Variants in KIAA1549L observed in about 807,000 individuals in gnomAD.
KIAA1549L encodes KIAA1549 like, also known as UPF0606 protein KIAA1549L.
KIAA1549L carries 88 observed loss-of-function variants against 160.7 expected under a neutral mutation model. That is an observed-to-expected ratio of 0.55 (90% confidence interval 0.46 to 0.65). KIAA1549L has a LOEUF of 0.65. KIAA1549L is among the 30% of genes least tolerant of loss of function. The probability of loss-of-function intolerance (pLI) is 0.00; values close to 1 mark genes in which losing one functional copy is unlikely to be tolerated. For synonymous variants in KIAA1549L, 950 were observed against 976.7 expected (o/e 0.97, Z 0.51); for missense variants, 2,258 against 2,437.5 (o/e 0.93, Z 1.55).
At chr11:33,565,813 T>G (rs1199071013) in intron 8 of KIAA1549L, among the ~76,000 whole-genome samples, 4 of 147,956 alleles carry the variant, frequency 2.7e-5, no homozygotes. Context: ...AGCCCGGGAG[T>G]TTGAGACCAG....
chr11:33,517,009 A>G (rs962689441), intron 1 of KIAA1549L, among the ~76,000 whole-genome samples: 11 of 152,184 alleles, frequency 7.2e-5, no homozygotes, highest in African/African-American at 2.4e-4. Flanking sequence ...CGCATCTTCA[A>G]TTCACGTTTC....
chr11:33,398,814 ATTCAAGTTCC>A (rs1207052405), intron 1 of KIAA1549L, among the ~76,000 whole-genome samples: 4 of 152,170 alleles, frequency 2.6e-5, no homozygotes, highest in Non-Finnish European at 4.4e-5. Flanking sequence ...GAATCTTAGG[ATTCAAGTTCC>A]TAGTTGACAT....
chr11:33,648,692 C>G (rs1220097743), intron 17 of KIAA1549L, among the ~76,000 whole-genome samples: 1 of 151,666 alleles, frequency 6.6e-6, no homozygotes, highest in African/African-American at 2.4e-5. Flanking sequence ...CCCGTTAACT[C>G]TGTGAAGAAA....
chr11:33,555,697 AC>A, intron 6 of KIAA1549L, among the ~76,000 whole-genome samples: 1 of 152,320 alleles, frequency 6.6e-6, no homozygotes, highest in African/African-American at 2.4e-5. Flanking sequence ...AATATCTAAA[AC>A]CGTAGGACTT....
chr11:33,453,093 G>C (rs1035701549), intron 1 of KIAA1549L, among the ~76,000 whole-genome samples: 2 of 152,240 alleles, frequency 1.3e-5, no homozygotes, highest in Non-Finnish European at 1.5e-5. Context: ...CATTCTCTGA[G>C]TGACTGACAT....
At chr11:33,626,176 T>C (rs1851108016) in intron 16 of KIAA1549L, among the ~76,000 whole-genome samples, 1 of 146,284 alleles carries the variant, frequency 6.8e-6, no homozygotes. Flanking sequence ...TGTAGTATAG[T>C]TTGAAGTCAG....
At chr11:33,411,946 CT>C (rs2134088402) in intron 1 of KIAA1549L, among the ~76,000 whole-genome samples, 1 of 152,336 alleles carries the variant, frequency 6.6e-6, no homozygotes, top group South Asian at 2.1e-4. Context: ...TTCAGCAGTG[CT>C]TTCCATTCTA....
Position 33,514,418 on chromosome 11 carries a change from C to T in KIAA1549L, c.239-27384C>T, listed in dbSNP as rs997537736. Among the ~76,000 whole-genome samples the T allele has an allele frequency of 3.9e-5, 6 of 152,224 alleles. No homozygotes were observed. In the East Asian group the frequency reaches 7.7e-4, roughly 20 times the overall value. On this transcript the variant is annotated intron_variant, in intron 1 of 20. Coordinates refer to ENST00000658780, the MANE Select transcript of KIAA1549L (RefSeq NM_012194.3). ...GTCTACACTGACTCATGCTTGGTGA[C>T]ATCTCCACAGGGTTTTCCATCAACA...
At chr11:33,392,994 A>G (rs1850300300) in intron 1 of KIAA1549L, among the ~76,000 whole-genome samples, 2 of 152,096 alleles carry the variant, frequency 1.3e-5, no homozygotes, top group Admixed American at 1.3e-4. Flanking sequence ...CCCTGTCTCT[A>G]GTCTTGTCCC....
At chr11:33,486,581 T>A (rs909860332) in intron 1 of KIAA1549L, among the ~76,000 whole-genome samples, 2 of 152,246 alleles carry the variant, frequency 1.3e-5, no homozygotes, top group African/African-American at 4.8e-5. Flanking sequence ...GTAATAAAGA[T>A]ATTATACTCA....
chr11:33,629,194 G>A (rs919237960), intron 16 of KIAA1549L, among the ~76,000 whole-genome samples: 27 of 152,220 alleles, frequency 1.8e-4, no homozygotes, highest in East Asian at 5.8e-4. Context: ...AGGGTAACCC[G>A]ACCTTTCTCT....
At chr11:33,614,549 T>TCC (rs1850736592) in intron 15 of KIAA1549L, among the ~76,000 whole-genome samples, 8 of 11,326 alleles carry the variant, frequency 7.1e-4, no homozygotes, top group African/African-American at 1.6e-3. Context: ...TATATATATA[T>TCC]ATATATATAT....
intron 1 of KIAA1549L, among the ~76,000 whole-genome samples, chr11:33,390,920 C>T (rs551800214): frequency 1.3e-5 from 2 of 152,186 alleles, no homozygotes; most frequent in African/African-American, 2.4e-5. Flanking sequence ...CCCTGGCACA[C>T]CAATGCTCCT....
chr11:33,641,414 TATATA>T (rs1373105242), intron 16 of KIAA1549L, among the ~76,000 whole-genome samples: 11 of 151,864 alleles, frequency 7.2e-5, no homozygotes, highest in South Asian at 2.1e-4. Context: ...CTGTGGCACA[TATATA>T]ATATAAATGC....
chr11:33,550,912 A>G, intron 4 of KIAA1549L, 128 bp from the exon 5 acceptor site: 1 of 771,386 alleles, frequency 1.3e-6, no homozygotes, highest in Non-Finnish European at 2.2e-6. Context: ...TGTTAAGAAT[A>G]TTTGTTGAAC....
chr11:33,630,758 G>A (rs1039712919), intron 16 of KIAA1549L, among the ~76,000 whole-genome samples: 1 of 152,180 alleles, frequency 6.6e-6, no homozygotes, highest in African/African-American at 2.4e-5. Flanking sequence ...GCTCACGCTG[G>A]GAGCTGTAGA....
chr11:33,408,916 C>T (rs1176168575), intron 1 of KIAA1549L, among the ~76,000 whole-genome samples: 1 of 142,018 alleles, frequency 7.0e-6, no homozygotes, highest in East Asian at 2.2e-4. Flanking sequence ...TGCCACTGCA[C>T]TCCGGCCTGG....
intron 1 of KIAA1549L, among the ~76,000 whole-genome samples, chr11:33,536,135 G>C (rs1019084886): frequency 6.6e-6 from 1 of 152,200 alleles, no homozygotes; most frequent in Non-Finnish European, 1.5e-5. Context: ...TCATTTCCCA[G>C]AAGTGAGGGA....
At chr11:33,562,678 C>CT (rs35756207) in intron 8 of KIAA1549L, among the ~76,000 whole-genome samples, 37,443 of 134,028 alleles carry the variant, frequency 0.28, 5,778 homozygotes, top group African/African-American at 0.39. Flanking sequence ...TTCATTTCCT[C>CT]TTTTTTTTTT....
Sources: allele counts gnomAD v4.1 joint callset (sites outside exome capture counted in the v4.1 genomes callset), GRCh38; gene constraint gnomAD v4.1.1; transcripts MANE v1.5; gene names NCBI Gene and HGNC (gene_info 2026-07-23, HGNC 2026-07-21).